The following ADARB2 variants were observed in gnomAD, a reference collection of about 807,000 sequenced individuals.
The protein encoded by ADARB2 is inactive double-stranded RNA-specific editase B2.
Under a neutral mutation model 62.2 loss-of-function variants are expected in ADARB2, and 25 were observed. The observed-to-expected ratio is 0.40, with a 90% CI of 0.29 to 0.56. The LOEUF (loss-of-function observed/expected upper bound fraction) is 0.56, where lower values mean the gene tolerates loss of function less well. ADARB2 is among the 20% of genes least tolerant of loss of function. The probability of loss-of-function intolerance (pLI) is 0.43; values close to 1 mark genes in which losing one functional copy is unlikely to be tolerated. For synonymous variants in ADARB2, 572 were observed against 500.8 expected (o/e 1.14, Z -1.90); for missense variants, 1,071 against 1,077.4 (o/e 0.99, Z 0.08).
At chr10:1,682,245 C>G (rs546242969) in intron 1 of ADARB2, among the ~76,000 whole-genome samples, 38 of 152,290 alleles carry the variant, frequency 2.5e-4, no homozygotes, top group African/African-American at 8.7e-4. Context: ...GGCCTCAGCA[C>G]GAAGCCAGCA....
intron 1 of ADARB2, chr10:1,534,453 C>G (rs1832296963): frequency 6.6e-6 from 1 of 152,290 alleles, no homozygotes; most frequent in African/African-American, 2.4e-5. Context: ...CACTGAAGTC[C>G]AAAGGCCAGA....
At chr10:1,570,439 G>A (rs1159741434) in intron 1 of ADARB2, among the ~76,000 whole-genome samples, 4 of 75,780 alleles carry the variant, frequency 5.3e-5, no homozygotes, top group African/African-American at 1.8e-4. Context: ...TGGAGGGGAA[G>A]CAGGACGGGC....
chr10:1,452,716 G>A (rs963459496), intron 1 of ADARB2, among the ~76,000 whole-genome samples: 3 of 122,026 alleles, frequency 2.5e-5, no homozygotes, highest in African/African-American at 9.6e-5. Flanking sequence ...CAGGTTGATG[G>A]GTGCAGCAAA....
chr10:1,482,485 G>A (rs117612639), intron 1 of ADARB2, among the ~76,000 whole-genome samples: 3,559 of 152,224 alleles, frequency 0.023, 269 homozygotes, highest in Admixed American at 0.15. Flanking sequence ...TGTCAAATTC[G>A]TAGAGACCAA....
intron 1 of ADARB2, among the ~76,000 whole-genome samples, chr10:1,557,828 T>C (rs1377395122): frequency 1.4e-5 from 2 of 137,972 alleles, no homozygotes; most frequent in African/African-American, 5.5e-5. Context: ...ATGAGAATCG[T>C]TTGAACCCGG....
intron 2 of ADARB2, among the ~76,000 whole-genome samples, chr10:1,373,585 G>A (rs1174566834): frequency 2.0e-5 from 3 of 152,230 alleles, no homozygotes; most frequent in African/African-American, 7.2e-5. Context: ...GTGGATGTGT[G>A]TGTGTGCATT....
chr10:1,380,192 T>G (rs1178085139), intron 1 of ADARB2, among the ~76,000 whole-genome samples: 1 of 152,216 alleles, frequency 6.6e-6, no homozygotes, highest in Admixed American at 6.5e-5. Context: ...TGTGCCATTA[T>G]GAACCTGGAC....
At chr10:1,248,236 C>T (rs1334025778) in intron 4 of ADARB2, among the ~76,000 whole-genome samples, 1 of 127,398 alleles carries the variant, frequency 7.8e-6, no homozygotes, top group Non-Finnish European at 1.7e-5. Context: ...GTGGGCACTC[C>T]CAGGCGTGCA....
chr10:1,630,123 G>A (rs139156935), intron 1 of ADARB2, among the ~76,000 whole-genome samples: 1 of 152,258 alleles, frequency 6.6e-6, no homozygotes, highest in African/African-American at 2.4e-5. Flanking sequence ...AGGTCCTTTG[G>A]CTTTGAGTGT....
At chr10:1,670,095 A>G (rs991362426) in intron 1 of ADARB2, among the ~76,000 whole-genome samples, 1 of 152,246 alleles carries the variant, frequency 6.6e-6, no homozygotes, top group Non-Finnish European at 1.5e-5. Context: ...CCTAGGGGGA[A>G]GACATAGCCT....
chr10:1,691,164 C>T (rs1834667451), intron 1 of ADARB2, among the ~76,000 whole-genome samples: 1 of 152,110 alleles, frequency 6.6e-6, no homozygotes, highest in Non-Finnish European at 1.5e-5. Context: ...TCCAATAGGA[C>T]TTGGGTCCTG....
intron 2 of ADARB2, among the ~76,000 whole-genome samples, chr10:1,374,361 C>G (rs1449677340): frequency 6.6e-6 from 1 of 152,220 alleles, no homozygotes; most frequent in Admixed American, 6.5e-5. Flanking sequence ...CGGGCACCCT[C>G]CAGAGCCTCA....
intron 6 of ADARB2, among the ~76,000 whole-genome samples, chr10:1,232,469 ATG>A (rs1441821105): frequency 1.3e-5 from 2 of 148,172 alleles, no homozygotes; most frequent in Non-Finnish European, 3.0e-5. Flanking sequence ...TATGGCATAT[ATG>A]GCATGCGTGT....
chr10:1,567,859 A>C (rs1356328964), intron 1 of ADARB2, among the ~76,000 whole-genome samples: 2 of 152,198 alleles, frequency 1.3e-5, no homozygotes, highest in African/African-American at 4.8e-5. Context: ...CTCGAGGCCA[A>C]GGTGTTTAGC....
chr10:1,697,975 C>T (rs1834768591), intron 1 of ADARB2, among the ~76,000 whole-genome samples: 1 of 152,182 alleles, frequency 6.6e-6, no homozygotes, highest in Non-Finnish European at 1.5e-5. Flanking sequence ...TTATGCAGTT[C>T]TCTAAACATT....
rs181899274 is a variant in ADARB2 at position 1,642,115 on chromosome 10, T to C, written c.100+94936A>G. Among the ~76,000 whole-genome samples the C allele has an allele frequency of 2.9e-3, 443 of 152,386 alleles. 4 individuals carry two copies. The highest frequency in any genetic ancestry group is 5.6e-3 in the South Asian group (27 of 4,834). On this transcript the variant is annotated intron_variant, in intron 1 of 9. Coordinates refer to ENST00000381312, the MANE Select transcript of ADARB2 (RefSeq NM_018702.4). ...TTATTTTTTAGACCAAAAAGTCTCATTCTGTGTATTTGTGCCATTAATGAC... is the reference window on the plus strand; with the variant it reads ...TTATTTTTTAGACCAAAAAGTCTCACTCTGTGTATTTGTGCCATTAATGAC...
At chr10:1,618,585 C>T (rs1397864913) in intron 1 of ADARB2, among the ~76,000 whole-genome samples, 1 of 151,780 alleles carries the variant, frequency 6.6e-6, no homozygotes, top group Non-Finnish European at 1.5e-5. Flanking sequence ...TTGCACTTCA[C>T]ATATGCTGGA....
intron 1 of ADARB2, among the ~76,000 whole-genome samples, chr10:1,536,398 C>T (rs1233888591): frequency 1.3e-5 from 2 of 152,168 alleles, no homozygotes; most frequent in African/African-American, 4.8e-5. Flanking sequence ...ACTAAACCAC[C>T]AAATCTATGG....
chr10:1,591,655 G>GCACACACACACA (rs113613762), intron 1 of ADARB2, among the ~76,000 whole-genome samples: 1 of 86,920 alleles, frequency 1.2e-5, no homozygotes, highest in South Asian at 2.7e-4. Context: ...ACAGAGGCGT[G>GCACACACACACA]CACGCACACA....
Sources: allele counts gnomAD v4.1 joint callset (sites outside exome capture counted in the v4.1 genomes callset), GRCh38; gene constraint gnomAD v4.1.1; transcripts MANE v1.5; gene names NCBI Gene and HGNC (gene_info 2026-07-23, HGNC 2026-07-21).